Variants in NFIC observed in about 807,000 individuals in gnomAD.
NFIC encodes nuclear factor I C, also known as nuclear factor 1 C-type.
In NFIC, 12 loss-of-function variants were observed where a neutral mutation model predicts 54.4. The ratio of observed to expected loss-of-function variants is 0.22; its 90% CI spans 0.14 to 0.36. The LOEUF is 0.36. NFIC is among the 10% of genes least tolerant of loss of function. NFIC has a pLI of 1.00. For missense variants in NFIC, 575 were observed against 718.2 expected (o/e 0.80, Z 2.28); for synonymous variants, 322 against 319.2 (o/e 1.01, Z -0.09).
Position 3,468,947 on chromosome 19 carries a change from C to G in NFIC, c.*6178C>G, listed in dbSNP as rs958744629. 1.3e-5 allele frequency: 2 copies of G among 151,968 alleles called. No homozygotes were observed. The highest frequency in any genetic ancestry group is 2.9e-5 in the Non-Finnish European group (2 of 68,016). 9.4% of individuals were successfully genotyped at this position (151,968 alleles called of 1,614,324 possible). On this transcript the variant is annotated 3_prime_UTR_variant, in exon 11 of 11. Coordinates refer to ENST00000443272, the MANE Select transcript of NFIC (RefSeq NM_001245002.2). Reference sequence around the variant, plus strand: ...GGACACCTGGGCAGACCCGCCGGCTCTCCCCCCACCCCACCCCGCCCCTCA... The same window carrying G: ...GGACACCTGGGCAGACCCGCCGGCTGTCCCCCCACCCCACCCCGCCCCTCA...
At chr19:3,376,536 C>T (rs2081111664) in intron 1 of NFIC, among the ~76,000 whole-genome samples, 1 of 151,344 alleles carries the variant, frequency 6.6e-6, no homozygotes. Flanking sequence ...AGTTTGAGAC[C>T]GGCCAAGGCA....
upstream of NFIC, chr19:3,366,537 G>C (rs1402995219): frequency 2.6e-5 from 15 of 571,270 alleles, 1 homozygote; most frequent in South Asian, 7.8e-5. Context: ...CGCGGGGCGG[G>C]GGGGGGGGTT....
In NFIC at chr19:3,370,989, C is replaced by T. The variant is rs966905433; in HGVS notation, c.30+4323C>T. 3.3e-5 allele frequency among the ~76,000 whole-genome samples: 5 copies of T among 152,336 alleles called. No individual in the cohort carries two copies. Among genetic ancestry groups the T allele is most frequent in the Admixed American group, 6.5e-5 (1 of 15,286 alleles). On this transcript the variant is annotated intron_variant, in intron 1 of 10. Coordinates refer to ENST00000443272, the MANE Select transcript of NFIC (RefSeq NM_001245002.2). This position sits in a 1 kb window ranked among gnomAD's most constrained non-coding sequence, Gnocchi z 5.2. ...GCGTGCACACTCCCTGACACCCATACGGACGAGGACACAGCTCTGCCTGCC... is the reference window on the plus strand; with the variant it reads ...GCGTGCACACTCCCTGACACCCATATGGACGAGGACACAGCTCTGCCTGCC...
intron 3 of NFIC, among the ~76,000 whole-genome samples, chr19:3,425,928 T>A (rs1433272142): frequency 1.5e-4 from 12 of 82,202 alleles, no homozygotes; most frequent in Non-Finnish European, 2.6e-4. Flanking sequence ...CTTTTTTTTT[T>A]TTTTTTTTTT....
chr19:3,416,124 C>G (rs1057287006), intron 2 of NFIC, among the ~76,000 whole-genome samples: 26 of 150,804 alleles, frequency 1.7e-4, no homozygotes, highest in Admixed American at 1.5e-3. Context: ...GATGACACCA[C>G]TGTCCTCCAT....
chr19:3,463,404 C>T lies in NFIC; in HGVS notation c.*635C>T, dbSNP rs1362476797. 2.0e-6 allele frequency: 2 copies of T among 985,460 alleles called. No homozygotes were observed. The highest frequency in any genetic ancestry group is 2.4e-6 in the Non-Finnish European group (2 of 830,108). 61.0% of individuals were successfully genotyped at this position (985,460 alleles called of 1,614,324 possible). ...GCAGAGGCGGGCAGGGTGGGGCAGG[C>T]GAGTGGTGTCGCGGGGGTGCGTGGC... On this transcript the variant is annotated 3_prime_UTR_variant, in exon 11 of 11. Coordinates refer to ENST00000443272, the MANE Select transcript of NFIC (RefSeq NM_001245002.2).
At chr19:3,440,273 G>A (rs534708834) in intron 6 of NFIC, among the ~76,000 whole-genome samples, 2 of 152,140 alleles carry the variant, frequency 1.3e-5, no homozygotes, top group South Asian at 2.1e-4. Context: ...CACCCACTCC[G>A]TGTCAGGAGC....
intron 2 of NFIC, among the ~76,000 whole-genome samples, chr19:3,392,386 T>C (rs906459975): frequency 1.3e-5 from 2 of 152,008 alleles, no homozygotes; most frequent in African/African-American, 4.8e-5. Context: ...TGAGATAATA[T>C]CTATGAAAAA....
chr19:3,392,542 G>A (rs2081392267), intron 2 of NFIC, among the ~76,000 whole-genome samples: 1 of 152,214 alleles, frequency 6.6e-6, no homozygotes, highest in South Asian at 2.1e-4. Context: ...GACAGCCCCT[G>A]AGGGAGCCCT....
chr19:3,428,260 G>A (rs1010875007), intron 3 of NFIC, among the ~76,000 whole-genome samples: 10 of 151,724 alleles, frequency 6.6e-5, no homozygotes, highest in Admixed American at 3.9e-4. Context: ...TTGGGAGGCC[G>A]AGTCAGGTGG....
chr19:3,435,061 C>T lies in NFIC; in HGVS notation c.834-22C>T, dbSNP rs530373810. On this transcript the variant is annotated intron_variant, in intron 5 of 10. Transcript: ENST00000443272. ...CCCGCGTCTCCCTGGTAACCAGCCT[C>T]TCCCCTTCCCTCGCCCATAAGGAGC... The T allele has an allele frequency of 2.9e-5, 46 of 1,566,918 alleles. No homozygotes were observed. In the South Asian group the frequency reaches 5.0e-4, roughly 17 times the overall value.
chr19:3,428,492 G>A (rs918301086), intron 3 of NFIC, among the ~76,000 whole-genome samples: 5 of 151,520 alleles, frequency 3.3e-5, no homozygotes, highest in East Asian at 2.0e-4. Flanking sequence ...AAGAGAAAGC[G>A]AGTGGGTGAG....
chr19:3,460,599 CG>C (rs1478536535), intron 10 of NFIC, among the ~76,000 whole-genome samples: 1 of 152,092 alleles, frequency 6.6e-6, no homozygotes, highest in Non-Finnish European at 1.5e-5. Flanking sequence ...CTACAACCTC[CG>C]CCCCCTGGAT....
rs1599743519 is a variant in NFIC, at chr19:3,467,175, T to G, written c.*4406T>G. ...TTCCACCCCCCTCTGGAAGCCCCCATCACCCACCCCTGCTATGGACACCAC... is the reference window on the plus strand; with the variant it reads ...TTCCACCCCCCTCTGGAAGCCCCCAGCACCCACCCCTGCTATGGACACCAC... On this transcript the variant is annotated 3_prime_UTR_variant, in exon 11 of 11. Transcript: ENST00000443272. 8.7e-6 allele frequency: 1 copy of G among 114,866 alleles called. No homozygotes were observed. The highest frequency in any genetic ancestry group is 3.6e-5 in the African/African-American group (1 of 27,828). The allele number at this position is 114,866 out of a possible 1,614,324, so 7.1% of individuals were successfully genotyped here. A position where few individuals can be genotyped will look rare whatever the true frequency, so the allele number is the denominator to read the frequency against.
At chr19:3,368,651 C>T (rs1405118670) in intron 1 of NFIC, among the ~76,000 whole-genome samples, 1 of 152,090 alleles carries the variant, frequency 6.6e-6, no homozygotes. Context: ...CACCCCAGCC[C>T]TGTAGTGGAG....
chr19:3,431,728 TC>T (rs1311819461), intron 3 of NFIC, among the ~76,000 whole-genome samples: 6 of 151,744 alleles, frequency 4.0e-5, no homozygotes, highest in Non-Finnish European at 7.4e-5. Flanking sequence ...GATCTCAAAC[TC>T]CTGAGCTCAC....
chr19:3,359,856 C>G (rs2080787163), intron 1 of NFIC, among the ~76,000 whole-genome samples: 1 of 148,786 alleles, frequency 6.7e-6, no homozygotes, highest in African/African-American at 2.5e-5. Context: ...TACCCACGAT[C>G]CCCCCCCGCA....
chr19:3,363,275 T>A (rs1431928978), upstream of NFIC, among the ~76,000 whole-genome samples: 2,797 of 66,430 alleles, frequency 0.042, 31 homozygotes, highest in Non-Finnish European at 0.068. Flanking sequence ...ATATATTTTT[T>A]TTTTTTTTTT....
In NFIC at chr19:3,463,745, G is replaced by T. The variant is rs1381084177; in HGVS notation, c.*976G>T. On this transcript the variant is annotated 3_prime_UTR_variant, in exon 11 of 11. Coordinates refer to ENST00000443272, the MANE Select transcript of NFIC (RefSeq NM_001245002.2). ...ACTTTCCGAGGAAGGGGATGGGGGAGCCCGGACACCCAGAGCTCCCCGAGT... is the reference window on the plus strand; with the variant it reads ...ACTTTCCGAGGAAGGGGATGGGGGATCCCGGACACCCAGAGCTCCCCGAGT... The T allele has an allele frequency of 1.0e-6, 1 of 985,268 alleles. No homozygotes were observed. Among genetic ancestry groups the T allele is most frequent in the Non-Finnish European group, 1.2e-6 (1 of 830,024 alleles). 61.0% of individuals were successfully genotyped at this position (985,268 alleles called of 1,614,324 possible).
Sources: gnomAD v4.1 joint callset for allele counts (sites outside exome capture counted in the v4.1 genomes callset) on GRCh38, gnomAD v4.1.1 for gene constraint, Gnocchi (gnomAD v3.1) non-coding constraint, MANE v1.5 for transcripts, NCBI Gene and HGNC (gene_info 2026-07-23, HGNC 2026-07-21) for gene names.